The following SAMMSON variants were observed in gnomAD, a reference collection of about 807,000 sequenced individuals.
SAMMSON encodes the protein long intergenic non-protein coding RNA 1212.
intron 4 of SAMMSON, among the ~76,000 whole-genome samples, chr3:70,170,446 TC>T (rs1700933860): frequency 1.3e-5 from 2 of 151,834 alleles, no homozygotes; most frequent in Non-Finnish European, 2.9e-5. Context: ...AATTTAAAAT[TC>T]ATTAATTATA....
intron 4 of SAMMSON, among the ~76,000 whole-genome samples, chr3:70,193,149 C>A (rs1394865955): frequency 1.3e-5 from 2 of 152,132 alleles, no homozygotes; most frequent in Non-Finnish European, 2.9e-5. Context: ...CAGAAGGAGG[C>A]ATATTTATCC....
chr3:70,341,084 A>T (rs1337786535), intron 7 of SAMMSON, among the ~76,000 whole-genome samples: 2 of 152,064 alleles, frequency 1.3e-5, no homozygotes, highest in African/African-American at 4.8e-5. Flanking sequence ...AGTCATTGTC[A>T]TCATGTTTAT....
chr3:70,110,631 G>C (rs1483748158), intron 4 of SAMMSON, among the ~76,000 whole-genome samples: 2 of 152,120 alleles, frequency 1.3e-5, no homozygotes, highest in Admixed American at 6.6e-5. Context: ...TTTAGATACT[G>C]TAGGTCCAGC....
chr3:70,215,265 A>G (rs1253338479), intron 4 of SAMMSON, among the ~76,000 whole-genome samples: 1 of 152,118 alleles, frequency 6.6e-6, no homozygotes, highest in African/African-American at 2.4e-5. Flanking sequence ...CCCCGCTGGT[A>G]AGGGGCAGAG....
downstream of SAMMSON, among the ~76,000 whole-genome samples, chr3:70,391,155 T>A (rs1363754030): frequency 6.6e-6 from 1 of 152,168 alleles, no homozygotes; most frequent in African/African-American, 2.4e-5. Flanking sequence ...GAATTACATA[T>A]GTTTATGCTG....
At chr3:70,318,440 T>G (rs942699656) in intron 7 of SAMMSON, among the ~76,000 whole-genome samples, 6 of 148,462 alleles carry the variant, frequency 4.0e-5, no homozygotes, top group Non-Finnish European at 8.9e-5. Flanking sequence ...TTAAATACAC[T>G]TTCAGTGTGA....
intron 4 of SAMMSON, among the ~76,000 whole-genome samples, chr3:70,138,893 C>G (rs2067516644): frequency 6.6e-6 from 1 of 152,052 alleles, no homozygotes. Flanking sequence ...AGTAAAAAAG[C>G]TTTTTAGAGA....
At chr3:70,031,517 A>T (rs961130781) in intron 3 of SAMMSON, among the ~76,000 whole-genome samples, 2 of 152,226 alleles carry the variant, frequency 1.3e-5, no homozygotes, top group Admixed American at 1.3e-4. Flanking sequence ...TACACTTACA[A>T]TTGTTAAAAC....
intron 7 of SAMMSON, among the ~76,000 whole-genome samples, chr3:70,338,430 G>T (rs971195450): frequency 6.6e-6 from 1 of 151,970 alleles, no homozygotes; most frequent in African/African-American, 2.4e-5. Flanking sequence ...AGAAATAAAG[G>T]GTATTCAATT....
chr3:70,384,358 C>T (rs1224241798), intron 9 of SAMMSON, among the ~76,000 whole-genome samples: 1 of 151,902 alleles, frequency 6.6e-6, no homozygotes, highest in South Asian at 2.1e-4. Flanking sequence ...GCATCAAAGC[C>T]TGTATGCAGT....
intron 4 of SAMMSON, among the ~76,000 whole-genome samples, chr3:70,102,581 G>T (rs1278455638): frequency 6.6e-6 from 1 of 152,158 alleles, no homozygotes; most frequent in African/African-American, 2.4e-5. Context: ...AATGAGCTGG[G>T]TGGCAGGGGT....
intron 4 of SAMMSON, among the ~76,000 whole-genome samples, chr3:70,219,207 C>A (rs1244989332): frequency 6.6e-6 from 1 of 152,132 alleles, no homozygotes; most frequent in Non-Finnish European, 1.5e-5. Flanking sequence ...CTCACATCTG[C>A]AAATTTGGGT....
At chr3:70,133,352 A>C (rs2067491806) in intron 4 of SAMMSON, among the ~76,000 whole-genome samples, 1 of 152,226 alleles carries the variant, frequency 6.6e-6, no homozygotes, top group South Asian at 2.1e-4. Context: ...TGCTGAACAC[A>C]TGCAGGATGA....
intron 7 of SAMMSON, among the ~76,000 whole-genome samples, chr3:70,345,637 T>C (rs959981963): frequency 1.3e-5 from 2 of 152,206 alleles, no homozygotes; most frequent in African/African-American, 4.8e-5. Context: ...GTTTTAGTTA[T>C]TGAACCCTCC....
At chr3:70,146,712 A>G (rs1418508538) in intron 4 of SAMMSON, among the ~76,000 whole-genome samples, 1 of 152,040 alleles carries the variant, frequency 6.6e-6, no homozygotes, top group Non-Finnish European at 1.5e-5. Flanking sequence ...CAACCTACTT[A>G]AGAGGCTGTC....
chr3:70,293,558 G>A (rs1702260362), intron 7 of SAMMSON, among the ~76,000 whole-genome samples: 2 of 152,054 alleles, frequency 1.3e-5, no homozygotes, highest in Non-Finnish European at 2.9e-5. Context: ...TAGAGGTTGT[G>A]AAAATAAAAC....
At chr3:70,121,528 G>A (rs1335461497) in intron 4 of SAMMSON, among the ~76,000 whole-genome samples, 2 of 152,154 alleles carry the variant, frequency 1.3e-5, no homozygotes, top group African/African-American at 4.8e-5. Context: ...CAAAGCATCA[G>A]AAGAGTCATC....
intron 3 of SAMMSON, among the ~76,000 whole-genome samples, chr3:70,053,244 A>T (rs1472039689): frequency 6.6e-6 from 1 of 152,144 alleles, no homozygotes; most frequent in Non-Finnish European, 1.5e-5. Context: ...CAGAAGTTGC[A>T]CTAGAGCTGC....
intron 4 of SAMMSON, among the ~76,000 whole-genome samples, chr3:70,116,756 C>T (rs867090138): frequency 4.3e-4 from 65 of 152,136 alleles, no homozygotes; most frequent in Admixed American, 4.6e-4. Flanking sequence ...AATATGTAAT[C>T]TTTTAAAAGG....
Sources: allele counts gnomAD v4.1 joint callset (sites outside exome capture counted in the v4.1 genomes callset), GRCh38; gene constraint gnomAD v4.1.1; transcripts MANE v1.5; gene names NCBI Gene and HGNC (gene_info 2026-07-23, HGNC 2026-07-21).